SP3: variants seen among roughly 807,000 people sequenced by gnomAD.
SP3 encodes transcription factor Sp3.
SP3 carries 10 observed loss-of-function variants against 70.3 expected under a neutral mutation model. That is an observed-to-expected ratio of 0.14 (90% confidence interval 0.09 to 0.24). SP3 has a LOEUF of 0.24. SP3 is among the 10% of genes least tolerant of loss of function. The pLI is 1.00. For synonymous variants in SP3, 402 were observed against 333.5 expected (o/e 1.21, Z -2.24); for missense variants, 825 against 914.6 (o/e 0.90, Z 1.26).
chr2:173,912,943 A>C, intron 6 of SP3, 127 bp downstream of exon 6: 1 of 612,298 alleles, frequency 1.6e-6, no homozygotes, highest in Non-Finnish European at 2.5e-6. Context: ...CTAAAGGTAA[A>C]AATTGGATGT....
Position 173,964,421 on chromosome 2 carries a change from G to A in SP3, c.140C>T (p.Ala47Val), listed in dbSNP as rs770793171. 1.4e-6 allele frequency: 1 copy of A among 725,640 alleles called. No individual in the cohort carries two copies. Among genetic ancestry groups the A allele is most frequent in the Non-Finnish European group, 2.5e-6 (1 of 396,810 alleles). 45.0% of individuals were successfully genotyped at this position (725,640 alleles called of 1,614,324 possible). A position where few individuals can be genotyped will look rare whatever the true frequency, so the allele number is the denominator to read the frequency against. The change falls in exon 2 of 7, where the codon GCG becomes GTG. Residue 47 changes from alanine (A) to valine (V), a missense_variant. Coordinates refer to ENST00000310015, the MANE Select transcript of SP3 (RefSeq NM_003111.5). ...GCTCCTCACCTGGGCCGCCGCTGCC[G>A]CCGCCACCGCACCGTTTCCGTGCTG... ...QQQHGNGAVAAAAAAQDTQPS... is the reference protein window; with the variant it reads ...QQQHGNGAVAVAAAAQDTQPS...
chr2:173,920,189 A>G (rs772265085), intron 4 of SP3, among the ~76,000 whole-genome samples: 6 of 152,178 alleles, frequency 3.9e-5, no homozygotes, highest in Non-Finnish European at 8.8e-5. Context: ...AACAATTGGC[A>G]ATTATTCCAA....
At position 173,965,258 on chromosome 2, in the gene SP3, G is replaced by C. The variant is rs990525632; in HGVS notation, c.-87C>G. 1 of 1,479,274 alleles carries C rather than the reference G, an allele frequency of 6.8e-7. No homozygotes were observed. Among genetic ancestry groups the C allele is most frequent in the Admixed American group, 2.0e-5 (1 of 49,016 alleles). 91.6% of individuals were successfully genotyped at this position (1,479,274 alleles called of 1,614,324 possible). ...GCGGCGGCGGCGGGAGAGGATGCGGGAAGCGGCGGCGGACACGGCCGGAGC... is the reference window on the plus strand; with the variant it reads ...GCGGCGGCGGCGGGAGAGGATGCGGCAAGCGGCGGCGGACACGGCCGGAGC... On this transcript the variant is annotated 5_prime_UTR_variant, in exon 1 of 7. Transcript: ENST00000310015.
upstream of SP3, chr2:173,965,672 G>A (rs1691274558): frequency 6.1e-6 from 1 of 163,720 alleles, no homozygotes; most frequent in African/African-American, 2.4e-5. Flanking sequence ...CCAAGCTGTA[G>A]GGGAGCTGAG....
At chr2:173,933,571 C>T (rs566299897) in intron 4 of SP3, among the ~76,000 whole-genome samples, 59 of 145,822 alleles carry the variant, frequency 4.0e-4, no homozygotes, top group African/African-American at 1.4e-3. Flanking sequence ...CACCCAACTT[C>T]GGTGTGCCCA....
Position 173,903,268 on chromosome 2 carries a change from C to T in SP3, c.*6673G>A, listed in dbSNP as rs1319483031. Among the ~76,000 whole-genome samples the T allele has an allele frequency of 6.6e-6, 1 of 152,148 alleles. No individual in the cohort carries two copies. The highest frequency in any genetic ancestry group is 1.5e-5 in the Non-Finnish European group (1 of 68,036). On this transcript the variant is annotated 3_prime_UTR_variant, in exon 7 of 7. Coordinates refer to ENST00000310015, the MANE Select transcript of SP3 (RefSeq NM_003111.5). ...TTACATGCATTAACTTATTTATCTCCATAATCACTCTATGAAGATGACGCT... is the reference window on the plus strand; with the variant it reads ...TTACATGCATTAACTTATTTATCTCTATAATCACTCTATGAAGATGACGCT...
At position 173,905,280 on chromosome 2, in the gene SP3, AAGG is replaced by A. The variant is rs1204343173; in HGVS notation, c.*4658_*4660del. 1.3e-5 allele frequency among the ~76,000 whole-genome samples: 2 copies of A among 152,218 alleles called. No individual in the cohort carries two copies. The highest frequency in any genetic ancestry group is 1.3e-4 in the Admixed American group (2 of 15,272). On this transcript the variant is annotated 3_prime_UTR_variant, in exon 7 of 7. Transcript: ENST00000310015. Reference sequence around the variant, plus strand: ...AGTTAAGGGGGGAGGAAGGCATTGGAAGGAGGTTACCATTTGAATCTCTACCGT... The same window carrying A: ...AGTTAAGGGGGGAGGAAGGCATTGGAAGGTTACCATTTGAATCTCTACCGT...
At position 173,904,193 on chromosome 2, in the gene SP3, G is replaced by A. The variant is rs1205271406; in HGVS notation, c.*5748C>T. Among the ~76,000 whole-genome samples, 1 of 152,166 alleles carries A rather than the reference G, an allele frequency of 6.6e-6. No individual in the cohort carries two copies. The highest frequency in any genetic ancestry group is 1.9e-4 in the East Asian group (1 of 5,192). On this transcript the variant is annotated 3_prime_UTR_variant, in exon 7 of 7. Coordinates refer to ENST00000310015, the MANE Select transcript of SP3 (RefSeq NM_003111.5). The stretch of plus-strand genomic sequence containing the variant: ...CAGGAATGCTCGCTTACCTCCTGCT[G>A]TATGGCCTGGTTCCTCACAGACCAG...
chr2:173,953,886 G>A (rs1418763281), intron 4 of SP3, among the ~76,000 whole-genome samples: 1 of 151,900 alleles, frequency 6.6e-6, no homozygotes, highest in Non-Finnish European at 1.5e-5. Flanking sequence ...TGCAATTAAA[G>A]GATTTCCAAA....
chr2:173,923,876 A>C (rs913109390), intron 4 of SP3, among the ~76,000 whole-genome samples: 1 of 151,992 alleles, frequency 6.6e-6, no homozygotes, highest in African/African-American at 2.4e-5. Context: ...ATAATCCTAC[A>C]ATATCTCATG....
At chr2:173,910,336 T>A in intron 6 of SP3, 79 bp from the exon 7 acceptor site, 1 of 1,227,614 alleles carries the variant, frequency 8.1e-7, no homozygotes, top group Non-Finnish European at 1.2e-6. Context: ...AAACAGAAAG[T>A]AAGTCAACGC....
chr2:173,964,202 G>C (rs1343131127), intron 2 of SP3: 1 of 467,926 alleles, frequency 2.1e-6, no homozygotes, highest in East Asian at 3.7e-5. Flanking sequence ...CGCACAAAAA[G>C]GCGGCAGGCG....
At chr2:173,933,669 T>A (rs1433472038) in intron 4 of SP3, among the ~76,000 whole-genome samples, 6 of 140,954 alleles carry the variant, frequency 4.3e-5, no homozygotes, top group Middle Eastern at 3.4e-3. Context: ...TATATATATA[T>A]ATAAAAGTTA....
chr2:173,964,112 G>T (rs1208710954), intron 2 of SP3: 1 of 352,434 alleles, frequency 2.8e-6, no homozygotes, highest in Non-Finnish European at 5.1e-6. Flanking sequence ...GGGCAGGCGG[G>T]CGGCGGGCTG....
chr2:173,958,778 GA>G lies in SP3; in HGVS notation c.280-2547del, dbSNP rs1283779649. ...CTACACTCGACAATATATTACACAA[GA>G]AAAAAAAAAAAGCTCAGAACTGAGT... On this transcript the variant is annotated intron_variant, in intron 3 of 6. Coordinates refer to ENST00000310015, the MANE Select transcript of SP3 (RefSeq NM_003111.5). 3.7e-3 allele frequency among the ~76,000 whole-genome samples: 522 copies of G among 139,550 alleles called. 4 individuals carry two copies. Among genetic ancestry groups the G allele is most frequent in the East Asian group, 0.026 (126 of 4,856 alleles). 91.6% of individuals were successfully genotyped at this position (139,550 alleles called of 152,430 possible). A position where few individuals can be genotyped will look rare whatever the true frequency, so the allele number is the denominator to read the frequency against.
chr2:173,919,514 G>A (rs945386180), intron 4 of SP3, among the ~76,000 whole-genome samples: 8 of 152,106 alleles, frequency 5.3e-5, no homozygotes. Context: ...GTCCTACATG[G>A]TGGCTAGTTA....
chr2:173,917,291 T>C (rs537771835), intron 5 of SP3, among the ~76,000 whole-genome samples: 12 of 150,712 alleles, frequency 8.0e-5, no homozygotes, highest in African/African-American at 2.7e-4. Flanking sequence ...ACAATTTTAA[T>C]TGACCAAAAT....
intron 4 of SP3, among the ~76,000 whole-genome samples, chr2:173,925,915 T>TA (rs1689897802): frequency 6.6e-6 from 1 of 152,362 alleles, no homozygotes; most frequent in South Asian, 2.1e-4. Flanking sequence ...TCCTAACTGC[T>TA]ATCCAATAAA....
In SP3 at chr2:173,956,006, T is replaced by C; in HGVS notation, c.506A>G (p.Gln169Arg). 1 of 1,614,210 alleles carries C rather than the reference T, an allele frequency of 6.2e-7. No homozygotes were observed. The highest frequency in any genetic ancestry group is 1.1e-5 in the South Asian group (1 of 91,082). Reference sequence around the variant, plus strand: ...CTGGATCTGTGGTATCACTTGATATTGAACACTGGACACTGTACCATTTGA... The same window carrying C: ...CTGGATCTGTGGTATCACTTGATATCGAACACTGGACACTGTACCATTTGA... ...DSSNGTVSSVQYQVIPQIQSA... is the reference protein window; with the variant it reads ...DSSNGTVSSVRYQVIPQIQSA... Residue 169 changes from glutamine (Q) to arginine (R), a missense_variant, in exon 4 of 7, where the codon CAA becomes CGA. By Grantham distance (43) the Gln-to-Arg change is conservative (BLOSUM62 1). Around this residue, in one of 4 missense-constraint regions of SP3, gnomAD observed 678 missense variants for 651.6 expected, o/e 1.04. Transcript: ENST00000310015.
Sources: gnomAD v4.1 joint callset for allele counts (sites outside exome capture counted in the v4.1 genomes callset) on GRCh38, gnomAD v4.1.1 for gene constraint, gnomAD v4.1.1 regional missense constraint, MANE v1.5 for transcripts, NCBI Gene and HGNC (gene_info 2026-07-23, HGNC 2026-07-21) for gene names.